Variants in ZNF594 observed in about 807,000 individuals in gnomAD.
The protein encoded by ZNF594 is zinc finger protein 594.
For synonymous variants in ZNF594, 336 were observed against 309.4 expected (o/e 1.09, Z -0.90); for missense variants, 1,037 against 964.6 (o/e 1.08, Z -0.99).
At position 5,188,191 on chromosome 17, in the gene ZNF594, C is replaced by CAT. The variant is rs200954627; in HGVS notation, c.-21+3555_-21+3556dup. Among the ~76,000 whole-genome samples the CAT allele has an allele frequency of 4.1e-3, 587 of 142,358 alleles. 5 individuals carry two copies. Among genetic ancestry groups the CAT allele is most frequent in the African/African-American group, 0.013 (495 of 38,060 alleles). 93.4% of individuals were successfully genotyped at this position (142,358 alleles called of 152,430 possible). A position where few individuals can be genotyped will look rare whatever the true frequency, so the allele number is the denominator to read the frequency against. On this transcript the variant is annotated intron_variant, in intron 1 of 1. Transcript: ENST00000575779. ...TTTTTTTTTTTTTTGGTTCGATATA[C>CAT]ATATATATATAGAGAGAGAGAGTTC... is the stretch of plus-strand genomic sequence containing the variant.
At chr17:5,191,228 C>A (rs571000191) in intron 1 of ZNF594, among the ~76,000 whole-genome samples, 1 of 152,262 alleles carries the variant, frequency 6.6e-6, no homozygotes, top group East Asian at 1.9e-4. Flanking sequence ...ATAGAAGCTG[C>A]TCCTAAAAGC....
In ZNF594 at chr17:5,181,693, G is replaced by A. The variant is rs762804933; in HGVS notation, c.*140C>T. 1 of 1,574,962 alleles carries A rather than the reference G, an allele frequency of 6.3e-7. No homozygotes were observed. The highest frequency in any genetic ancestry group is 1.7e-5 in the Admixed American group (1 of 59,986). ...TGGTGTGTGACAAGGTGGGACCTCT[G>A]GCTAAAGACTTTCCCACATTCACTA... On this transcript the variant is annotated 3_prime_UTR_variant, in exon 2 of 2. Transcript: ENST00000575779.
rs1431489477 is a variant in ZNF594, at chr17:5,181,622, T to C, written c.*211A>G. 12 of 1,600,118 alleles carry C rather than the reference T, an allele frequency of 7.5e-6. No individual in the cohort carries two copies. The highest frequency in any genetic ancestry group is 2.2e-5 in the East Asian group (1 of 44,764). On this transcript the variant is annotated 3_prime_UTR_variant, in exon 2 of 2. Coordinates refer to ENST00000575779, the MANE Select transcript of ZNF594 (RefSeq NM_032530.2). Reference sequence around the variant, plus strand: ...GGAGTGAACGCCGCCTGAAGGCTTTTTCACATTCAGTGCACTGATAGGGCT... The same window carrying C: ...GGAGTGAACGCCGCCTGAAGGCTTTCTCACATTCAGTGCACTGATAGGGCT...
Position 5,182,621 on chromosome 17 carries a change from C to G in ZNF594, c.1636G>C (p.Glu546Gln). Residue 546 changes from glutamate (E) to glutamine (Q), a missense_variant, in exon 2 of 2, where the codon GAG becomes CAG. Coordinates refer to ENST00000575779, the MANE Select transcript of ZNF594 (RefSeq NM_032530.2). ...TCCTCATCCTGGCTGAAGGTTTTCTCACATTCAAGTTTCTCTCCAGTATGC... is the reference window on the plus strand; with the variant it reads ...TCCTCATCCTGGCTGAAGGTTTTCTGACATTCAAGTTTCTCTCCAGTATGC... ...SLHTGEKLEC[E>Q]KTFSQDEELR... is the part of the protein sequence containing the mutation. The G allele has an allele frequency of 6.2e-7, 1 of 1,613,380 alleles. No individual in the cohort carries two copies. The highest frequency in any genetic ancestry group is 8.5e-7 in the Non-Finnish European group (1 of 1,179,618).
At position 5,183,459 on chromosome 17, in the gene ZNF594, G is replaced by C. The variant is rs765544433; in HGVS notation, c.798C>G (p.Pro266=). 6.8e-6 allele frequency: 11 copies of C among 1,613,852 alleles called. No homozygotes were observed. Among genetic ancestry groups the C allele is most frequent in the South Asian group, 5.5e-5 (5 of 91,080 alleles). ...IHHRIHTGEK[P]YECYDCGQMF... ...TCTGTCCACAGTCATAACATTCATA[G>C]GGTTTCTCTCCAGTGTGAATTCTGT... The change falls in exon 2 of 2, where the codon CCC becomes CCG. Residue 266 remains proline (P), a synonymous_variant. Transcript: ENST00000575779.
intron 1 of ZNF594, 112 bp from the exon 2 acceptor site, chr17:5,184,388 C>A: frequency 1.9e-6 from 2 of 1,069,780 alleles, no homozygotes; most frequent in Non-Finnish European, 2.6e-6. Context: ...CTTTCCCTGC[C>A]AAAGCTGAGA....
chr17:5,178,593 A>G (rs181470982), downstream of ZNF594, among the ~76,000 whole-genome samples: 192 of 152,350 alleles, frequency 1.3e-3, no homozygotes, highest in African/African-American at 4.4e-3. Flanking sequence ...CCAACATTTA[A>G]GCAATATAGG....
Position 5,181,475 on chromosome 17 carries a change from A to C in ZNF594, c.*358T>G. Reference sequence around the variant, plus strand: ...TGCTGAAGGTTTTCTCACGTTCTTCAAGTTTCTCTCCAGCATGCAGTCTCT... The same window carrying C: ...TGCTGAAGGTTTTCTCACGTTCTTCCAGTTTCTCTCCAGCATGCAGTCTCT... On this transcript the variant is annotated 3_prime_UTR_variant, in exon 2 of 2. Coordinates refer to ENST00000575779, the MANE Select transcript of ZNF594 (RefSeq NM_032530.2). 6.2e-7 allele frequency: 1 copy of C among 1,613,802 alleles called. No homozygotes were observed. The highest frequency in any genetic ancestry group is 1.1e-5 in the South Asian group (1 of 91,068).
chr17:5,182,447 T>C lies in ZNF594; in HGVS notation c.1810A>G (p.Thr604Ala). The C allele has an allele frequency of 3.7e-6, 6 of 1,613,724 alleles. No individual in the cohort carries two copies. The highest frequency in any genetic ancestry group is 5.1e-6 in the Non-Finnish European group (6 of 1,179,938). ...AGAAGGTCTGAGCTCTGATTGAAAGTTTTCCCACATTCTTTGCATTCATAT... is the reference window on the plus strand; with the variant it reads ...AGAAGGTCTGAGCTCTGATTGAAAGCTTTCCCACATTCTTTGCATTCATAT... ...KPYECKECGK[T>A]FNQSSDLLRH... The change falls in exon 2 of 2, where the codon ACT (threonine) becomes GCT (alanine). Residue 604 changes from threonine to alanine, a missense_variant. Thr to Ala is a moderately conservative substitution (Grantham distance 58, BLOSUM62 0). Transcript: ENST00000575779.
downstream of ZNF594, among the ~76,000 whole-genome samples, chr17:5,177,193 C>T (rs1227809372): frequency 3.5e-5 from 5 of 144,758 alleles, no homozygotes; most frequent in African/African-American, 1.0e-4. Context: ...GAGTCTCTGT[C>T]TCATAAAAAA....
At chr17:5,174,927 T>C (rs2074293054), downstream of ZNF594, 1 of 190,764 alleles carries the variant, frequency 5.2e-6, no homozygotes, top group Non-Finnish European at 1.1e-5. Context: ...GGTAATTGTA[T>C]ATGGGGTGTA....
chr17:5,182,485 G>T lies in ZNF594; in HGVS notation c.1772C>A (p.Thr591Lys), dbSNP rs1301773080. The change falls in exon 2 of 2, where the codon ACA becomes AAA. Residue 591 changes from threonine (T) to lysine (K), a missense_variant. Physicochemically the swap from Thr to Lys is moderately conservative, Grantham distance 78. Coordinates refer to ENST00000575779, the MANE Select transcript of ZNF594 (RefSeq NM_032530.2). ...SDLIRHQVTH[T>K]REKPYECKEC... ...TTTGCATTCATATGGTTTCTCTCTT[G>T]TATGAGTTACCTGATGTCTGATGAG... 6 of 1,613,790 alleles carry T rather than the reference G, an allele frequency of 3.7e-6. No individual in the cohort carries two copies. The African/African-American group carries it at 5.3e-5, about 14-fold the overall frequency.
chr17:5,178,836 A>G (rs181007799), downstream of ZNF594, among the ~76,000 whole-genome samples: 68 of 152,350 alleles, frequency 4.5e-4, no homozygotes, highest in Non-Finnish European at 7.8e-4. Flanking sequence ...ATTACGGTAC[A>G]ATGACCAGAC....
downstream of ZNF594, among the ~76,000 whole-genome samples, chr17:5,175,645 G>A (rs1212513858): frequency 6.6e-6 from 1 of 152,154 alleles, no homozygotes; most frequent in Admixed American, 6.5e-5. Context: ...GGTACCTACA[G>A]TGGGTCCTAC....
At chr17:5,188,507 T>C (rs1349897801) in intron 1 of ZNF594, among the ~76,000 whole-genome samples, 1 of 152,036 alleles carries the variant, frequency 6.6e-6, no homozygotes, top group Admixed American at 6.6e-5. Flanking sequence ...TTAAGATAAA[T>C]TTGTGGGATG....
At chr17:5,176,487 T>C (rs1267671247), downstream of ZNF594, among the ~76,000 whole-genome samples, 1 of 148,794 alleles carries the variant, frequency 6.7e-6, no homozygotes, top group Non-Finnish European at 1.5e-5. Context: ...AGAAAATTAA[T>C]ACGGAAAGTC....
rs752238092 is a variant in ZNF594 at position 5,183,870 on chromosome 17, A to C, written c.387T>G (p.Cys129Trp). The C allele has an allele frequency of 5.6e-6, 9 of 1,613,428 alleles. No homozygotes were observed. Among genetic ancestry groups the C allele is most frequent in the Non-Finnish European group, 7.6e-6 (9 of 1,179,910 alleles). Reference protein sequence around the residue: ...KIHNINKTYECKECEKTFNRS... With the variant: ...KIHNINKTYEWKECEKTFNRS... ...TGTTGAAGGTTTTTTCACATTCCTT[A>C]CATTCATAGGTCTTATTTATATTAT... The change falls in exon 2 of 2, where the codon TGT (cysteine) becomes TGG (tryptophan). Residue 129 changes from cysteine (C) to tryptophan (W), a missense_variant. By Grantham distance (215) the Cys-to-Trp change is radical. Transcript: ENST00000575779.
At position 5,183,141 on chromosome 17, in the gene ZNF594, T is replaced by C. The variant is rs1158034468; in HGVS notation, c.1116A>G (p.Glu372=). ...ACTGATTACACCAATAAGCTTTCTC[T>C]TCCTGGTGAATTCTCTGCTCTTCCC... is the stretch of plus-strand genomic sequence containing the variant. ...ELREEQRIHQ[E]EKAYWCNQCG... Residue 372 remains glutamate (E), a synonymous_variant, in exon 2 of 2, where the codon GAA becomes GAG. Transcript: ENST00000575779. 2 of 1,614,066 alleles carry C rather than the reference T, an allele frequency of 1.2e-6. No individual in the cohort carries two copies. The highest frequency in any genetic ancestry group is 2.7e-5 in the African/African-American group (2 of 74,928).
At position 5,181,608 on chromosome 17, in the gene ZNF594, C is replaced by T. The variant is rs529902172; in HGVS notation, c.*225G>A. The stretch of plus-strand genomic sequence containing the variant: ...CCGACGTTGAATAAGGAGTGAACGC[C>T]GCCTGAAGGCTTTTTCACATTCAGT... On this transcript the variant is annotated 3_prime_UTR_variant, in exon 2 of 2. Transcript: ENST00000575779. 1.6e-4 allele frequency: 264 copies of T among 1,607,700 alleles called. 1 individual carries two copies. In the African/African-American group the frequency reaches 2.4e-3, roughly 15 times the overall value.
Sources: allele counts gnomAD v4.1 joint callset (sites outside exome capture counted in the v4.1 genomes callset), GRCh38; gene constraint gnomAD v4.1.1; transcripts MANE v1.5; gene names NCBI Gene and HGNC (gene_info 2026-07-23, HGNC 2026-07-21).